SYNE2: variants seen among roughly 807,000 people sequenced by gnomAD.
SYNE2 encodes spectrin repeat containing nuclear envelope protein 2, also known as nesprin-2.
In SYNE2, 431 loss-of-function variants were observed where a neutral mutation model predicts 856.3. The ratio of observed to expected loss-of-function variants is 0.50; its 90% CI spans 0.47 to 0.55. The LOEUF is 0.55. SYNE2 is among the 20% of genes least tolerant of loss of function. SYNE2 has a pLI of 0.00. For synonymous variants in SYNE2, 2,923 were observed against 2,872.3 expected (o/e 1.02, Z -0.56); for missense variants, 8,129 against 8,023.2 (o/e 1.01, Z -0.50).
chr14:63,880,169 C>T (rs1450429425), intron 1 of SYNE2, among the ~76,000 whole-genome samples: 1 of 152,170 alleles, frequency 6.6e-6, no homozygotes, highest in Admixed American at 6.5e-5. Context: ...TGGCTCACTG[C>T]AACCTCCGCT....
At chr14:64,215,908 C>G in intron 107 of SYNE2, 6 of 1,278,250 alleles carry the variant, frequency 4.7e-6, no homozygotes, top group Middle Eastern at 3.2e-4. Context: ...GATGTTCACT[C>G]TTCCCCTCAC....
chr14:64,111,210 A>AC (rs1271426489), intron 65 of SYNE2, among the ~76,000 whole-genome samples: 1 of 152,040 alleles, frequency 6.6e-6, no homozygotes, highest in Non-Finnish European at 1.5e-5. Flanking sequence ...AAAAAAAAAA[A>AC]AATGTGCGTG....
Position 64,010,386 on chromosome 14 carries a change from T to C in SYNE2, c.4728+270T>C, listed in dbSNP as rs184248028. ...ACCCCTGCTGCCACCTCTGTGAGGT[T>C]GTAACAGCCTTTGCACTGACTTTCT... On this transcript the variant is annotated intron_variant, in intron 32 of 115. Coordinates refer to ENST00000555002, the MANE Select transcript of SYNE2 (RefSeq NM_182914.3). Among the ~76,000 whole-genome samples the C allele has an allele frequency of 1.1e-4, 17 of 152,300 alleles. No individual in the cohort carries two copies. In the South Asian group the frequency reaches 1.2e-3, roughly 11 times the overall value.
At chr14:64,196,451 T>G (rs191781637) in intron 99 of SYNE2, among the ~76,000 whole-genome samples, 2 of 152,218 alleles carry the variant, frequency 1.3e-5, no homozygotes, top group Admixed American at 6.5e-5. Flanking sequence ...CCCTTTATAC[T>G]GCAAAATAGA....
chr14:63,979,139 AT>A, intron 14 of SYNE2, 125 bp downstream of exon 14: 1 of 896,836 alleles, frequency 1.1e-6, no homozygotes, highest in Non-Finnish European at 1.8e-6. Flanking sequence ...GGTAGATTTC[AT>A]TAGCTTAAAT....
intron 110 of SYNE2, 81 bp downstream of exon 110, chr14:64,219,491 G>C (rs2098684431): frequency 7.3e-7 from 1 of 1,377,726 alleles, no homozygotes; most frequent in Non-Finnish European, 1.0e-6. Context: ...CAGATCCCAT[G>C]TATTCGTGGC....
At chr14:63,976,120 A>T (rs1165686266) in intron 11 of SYNE2, among the ~76,000 whole-genome samples, 1 of 152,164 alleles carries the variant, frequency 6.6e-6, no homozygotes, top group East Asian at 1.9e-4. Context: ...TATGGTAGAG[A>T]TATGTCATGT....
chr14:63,943,932 G>A (rs1191431498), intron 6 of SYNE2, among the ~76,000 whole-genome samples: 1 of 151,920 alleles, frequency 6.6e-6, no homozygotes, highest in Non-Finnish European at 1.5e-5. Context: ...GCCTCCAAAA[G>A]TGCTGGGATT....
intron 6 of SYNE2, 36 bp from the exon 7 acceptor site, chr14:63,949,789 C>T (rs772023761): frequency 6.2e-7 from 1 of 1,612,696 alleles, no homozygotes; most frequent in South Asian, 1.1e-5. Flanking sequence ...GTAACTTATG[C>T]TTTTATAAAC....
chr14:63,882,365 G>A (rs1035489440), intron 1 of SYNE2, among the ~76,000 whole-genome samples: 7 of 152,194 alleles, frequency 4.6e-5, no homozygotes, highest in African/African-American at 1.2e-4. Context: ...TATTTATCAG[G>A]TCAAGGAATT....
intron 86 of SYNE2, 104 bp downstream of exon 86, chr14:64,158,899 G>T: frequency 7.9e-7 from 1 of 1,262,758 alleles, no homozygotes; most frequent in East Asian, 2.3e-5. Flanking sequence ...CCACAGAGAA[G>T]CACAAAGCAT....
In SYNE2 at chr14:64,026,749, C is replaced by G. The variant is rs1019295836; in HGVS notation, c.6404+19C>G. 4.4e-6 allele frequency: 7 copies of G among 1,594,828 alleles called. No homozygotes were observed. The highest frequency in any genetic ancestry group is 2.7e-5 in the African/African-American group (2 of 74,734). On this transcript the variant is annotated intron_variant, in intron 42 of 115. Transcript: ENST00000555002. ...ACCTAAGGTAAAGGGCATGCCTGCA[C>G]CACTTGCATCATATCCCATTGCCCA...
Position 64,166,841 on chromosome 14 carries a change from G to C in SYNE2, c.16606-392G>C, listed in dbSNP as rs909891339. 28 of 247,726 alleles carry C rather than the reference G, an allele frequency of 1.1e-4. 1 individual carries two copies. In the South Asian group the frequency reaches 1.2e-3, roughly 11 times the overall value. The allele number at this position is 247,726 out of a possible 1,614,324, so 15.3% of individuals were successfully genotyped here. A position where few individuals can be genotyped will look rare whatever the true frequency, so the allele number is the denominator to read the frequency against. Reference sequence around the variant, plus strand: ...CCACCTACTTGGGAGGCTGAAGCAGGAGAATCGTTTGAACCCAGGAGGCGG... The same window carrying C: ...CCACCTACTTGGGAGGCTGAAGCAGCAGAATCGTTTGAACCCAGGAGGCGG... On this transcript the variant is annotated intron_variant, in intron 90 of 115. Transcript: ENST00000555002.
chr14:64,122,538 T>G (rs771501964), intron 70 of SYNE2, 111 bp downstream of exon 70: 32 of 1,407,302 alleles, frequency 2.3e-5, no homozygotes, highest in South Asian at 1.9e-4. Flanking sequence ...CAAGTGAGTT[T>G]TTTACTTGGC....
At chr14:64,139,868 A>C (rs1473810681) in intron 79 of SYNE2, 73 bp from the exon 80 acceptor site, 3 of 1,517,514 alleles carry the variant, frequency 2.0e-6, no homozygotes, top group Non-Finnish European at 1.8e-6. Context: ...AAAATAAGAA[A>C]ATTTGCTGGT....
At chr14:64,124,377 A>ATTTTT (rs372149959) in intron 70 of SYNE2, among the ~76,000 whole-genome samples, 1 of 130,102 alleles carries the variant, frequency 7.7e-6, no homozygotes, top group Non-Finnish European at 1.7e-5. Flanking sequence ...TTTTTGTATA[A>ATTTTT]TTTTTTTTTT....
At chr14:63,835,490 C>T (rs1305946640) in intron 1 of SYNE2, among the ~76,000 whole-genome samples, 1 of 152,072 alleles carries the variant, frequency 6.6e-6, no homozygotes, top group Non-Finnish European at 1.5e-5. Flanking sequence ...TCTTTGGCTT[C>T]CCAAACTGCT....
At chr14:63,893,244 G>A (rs1030840208) in intron 1 of SYNE2, among the ~76,000 whole-genome samples, 1 of 152,260 alleles carries the variant, frequency 6.6e-6, no homozygotes, top group South Asian at 2.1e-4. Flanking sequence ...CTTCCTACAC[G>A]GAGAAGCTGA....
At chr14:64,213,358 G>T (rs950254481) in intron 105 of SYNE2, among the ~76,000 whole-genome samples, 5 of 152,014 alleles carry the variant, frequency 3.3e-5, no homozygotes, top group African/African-American at 1.2e-4. Context: ...GAATGTATTT[G>T]CCCTTCCCTC....
Sources: gnomAD v4.1 joint callset for allele counts (sites outside exome capture counted in the v4.1 genomes callset) on GRCh38, gnomAD v4.1.1 for gene constraint, MANE v1.5 for transcripts, NCBI Gene and HGNC (gene_info 2026-07-23, HGNC 2026-07-21) for gene names.